TMPRSS15: variants seen among roughly 807,000 people sequenced by gnomAD.
The protein encoded by TMPRSS15 is transmembrane serine protease 15.
Under a neutral mutation model 125.3 loss-of-function variants are expected in TMPRSS15, and 128 were observed. The ratio of observed to expected loss-of-function variants is 1.02; its 90% CI spans 0.89 to 1.18. The LOEUF is 1.18. Among genes scored for constraint, TMPRSS15 ranks in the 50% most tolerant of loss-of-function variants. The pLI, the probability that TMPRSS15 is intolerant of heterozygous loss-of-function variation, is 0.00. For missense variants in TMPRSS15, 1,283 were observed against 1,212.7 expected (o/e 1.06, Z -0.86); for synonymous variants, 446 against 423.2 (o/e 1.05, Z -0.66).
At chr21:18,352,532 A>G (rs770462122) in intron 10 of TMPRSS15, among the ~76,000 whole-genome samples, 1 of 152,170 alleles carries the variant, frequency 6.6e-6, no homozygotes, top group East Asian at 1.9e-4. Flanking sequence ...TGCATTAGCA[A>G]TGTACAATCA....
At chr21:18,308,131 C>A (rs1240267936) in intron 18 of TMPRSS15, among the ~76,000 whole-genome samples, 1 of 152,098 alleles carries the variant, frequency 6.6e-6, no homozygotes, top group African/African-American at 2.4e-5. Flanking sequence ...TTCCTAGGAC[C>A]TCACCTCTTT....
intron 1 of TMPRSS15, among the ~76,000 whole-genome samples, chr21:18,436,320 T>C (rs1390480377): frequency 2.0e-5 from 3 of 152,114 alleles, no homozygotes; most frequent in Non-Finnish European, 2.9e-5. Flanking sequence ...CCAGAGATTC[T>C]GGTATGTTGT....
chr21:18,481,986 T>C (rs187363642), intron 1 of TMPRSS15, among the ~76,000 whole-genome samples: 1 of 151,782 alleles, frequency 6.6e-6, no homozygotes, highest in East Asian at 1.9e-4. Flanking sequence ...GACTGAATAG[T>C]AATAATTTTT....
At chr21:18,397,778 T>G in intron 3 of TMPRSS15, 101 bp downstream of exon 3, 1 of 637,390 alleles carries the variant, frequency 1.6e-6, no homozygotes, top group Non-Finnish European at 2.6e-6. Context: ...TTGAAAAATT[T>G]AAATATTCCT....
intron 1 of TMPRSS15, among the ~76,000 whole-genome samples, chr21:18,453,364 A>T (rs990515169): frequency 1.3e-5 from 2 of 152,246 alleles, no homozygotes; most frequent in Non-Finnish European, 2.9e-5. Context: ...AGTGTTCTCC[A>T]GAGAAACAGA....
At chr21:18,391,388 A>G (rs971976505) in intron 3 of TMPRSS15, among the ~76,000 whole-genome samples, 39 of 152,224 alleles carry the variant, frequency 2.6e-4, no homozygotes, top group Admixed American at 2.3e-3. Flanking sequence ...TTCCAAATGG[A>G]AAAAAATTTG....
chr21:18,318,613 C>T (rs924276203), intron 16 of TMPRSS15, among the ~76,000 whole-genome samples: 15 of 152,268 alleles, frequency 9.9e-5, no homozygotes, highest in African/African-American at 3.6e-4. Context: ...TGATATTATA[C>T]TTGACTGTTC....
chr21:18,378,640 A>G (rs1213147457), intron 5 of TMPRSS15, among the ~76,000 whole-genome samples: 2 of 152,078 alleles, frequency 1.3e-5, no homozygotes, highest in Non-Finnish European at 2.9e-5. Flanking sequence ...GATCTACAAT[A>G]TTGCCTTTAT....
At chr21:18,473,372 T>C (rs1978816890) in intron 1 of TMPRSS15, among the ~76,000 whole-genome samples, 1 of 152,144 alleles carries the variant, frequency 6.6e-6, no homozygotes, top group African/African-American at 2.4e-5. Flanking sequence ...CTGCAGGTTA[T>C]ATCCATAACC....
At chr21:18,475,297 A>G (rs577721010) in intron 1 of TMPRSS15, among the ~76,000 whole-genome samples, 25 of 152,302 alleles carry the variant, frequency 1.6e-4, no homozygotes, top group Admixed American at 1.4e-3. Context: ...GTCAGATGTA[A>G]TGAAACATAA....
At chr21:18,468,386 T>C (rs1978708656) in intron 1 of TMPRSS15, among the ~76,000 whole-genome samples, 1 of 152,174 alleles carries the variant, frequency 6.6e-6, no homozygotes, top group African/African-American at 2.4e-5. Context: ...TGATATACAA[T>C]TGCAGGTTAC....
Position 18,282,509 on chromosome 21 carries a change from TA to T in TMPRSS15, c.2487-1289del, listed in dbSNP as rs1350740769. Among the ~76,000 whole-genome samples, 24 of 152,362 alleles carry T rather than the reference TA, an allele frequency of 1.6e-4. 3 individuals are homozygous for T. Among genetic ancestry groups the T allele is most frequent in the African/African-American group, 5.8e-4 (24 of 41,586 alleles). On this transcript the variant is annotated intron_variant, in intron 21 of 24. Transcript: ENST00000284885. ...GATGTATAAAGGGCATGAAGTTACT[TA>T]CATCTATCTATCACTTTGTTTTATT...
intron 18 of TMPRSS15, among the ~76,000 whole-genome samples, chr21:18,307,142 G>A (rs2068026878): frequency 6.6e-6 from 1 of 152,136 alleles, no homozygotes; most frequent in African/African-American, 2.4e-5. Context: ...TCTCATTAAG[G>A]ATGTAACTTT....
intron 10 of TMPRSS15, among the ~76,000 whole-genome samples, chr21:18,344,745 G>A (rs2075487439): frequency 1.3e-5 from 2 of 152,106 alleles, no homozygotes; most frequent in South Asian, 4.1e-4. Context: ...AGGGTTGTTG[G>A]GATAACATTT....
At chr21:18,277,326 C>CA (rs1022862594) in intron 23 of TMPRSS15, among the ~76,000 whole-genome samples, 6 of 151,598 alleles carry the variant, frequency 4.0e-5, no homozygotes, top group East Asian at 1.9e-4. Flanking sequence ...AATCCAAAAA[C>CA]AAAAAAAACT....
At chr21:18,286,894 T>C (rs1233242021) in intron 21 of TMPRSS15, among the ~76,000 whole-genome samples, 1 of 152,214 alleles carries the variant, frequency 6.6e-6, no homozygotes, top group Non-Finnish European at 1.5e-5. Flanking sequence ...GGAGTAAGTC[T>C]ACCTCACTTC....
intron 1 of TMPRSS15, among the ~76,000 whole-genome samples, chr21:18,422,056 T>C (rs2076193251): frequency 6.6e-6 from 1 of 150,610 alleles, no homozygotes; most frequent in Non-Finnish European, 1.5e-5. Flanking sequence ...TGACCTAGGC[T>C]CACTGCAACC....
chr21:18,463,400 T>A (rs1978591096), intron 1 of TMPRSS15, among the ~76,000 whole-genome samples: 2 of 151,790 alleles, frequency 1.3e-5, no homozygotes, highest in Admixed American at 1.3e-4. Context: ...CAAGTAGAGC[T>A]AACTATCCTA....
rs532642415 is a variant in TMPRSS15, at chr21:18,414,599, A to T, written c.11-16270T>A. On this transcript the variant is annotated intron_variant, in intron 1 of 7. Transcript: ENST00000422787. ...GTAGATACCTCATATAATTAGAATC[A>T]TGAATTATTTTTTCCTGTGTGAGTG... 2.6e-5 allele frequency among the ~76,000 whole-genome samples: 4 copies of T among 152,316 alleles called. No individual in the cohort carries two copies. The South Asian group carries it at 6.2e-4, about 24-fold the overall frequency.
Sources: allele counts gnomAD v4.1 joint callset (sites outside exome capture counted in the v4.1 genomes callset), GRCh38; gene constraint gnomAD v4.1.1; transcripts MANE v1.5; gene names NCBI Gene and HGNC (gene_info 2026-07-23, HGNC 2026-07-21).